The following PACRGL variants were observed in gnomAD, a reference collection of about 807,000 sequenced individuals.
PACRGL encodes parkin coregulated like.
PACRGL carries 38 observed loss-of-function variants against 34.5 expected under a neutral mutation model. The observed-to-expected ratio is 1.10, with a 90% CI of 0.85 to 1.44. The LOEUF is 1.44. Ranked by LOEUF, PACRGL falls within the 40% of genes most tolerant of loss-of-function variation. PACRGL has a pLI of 0.00. For missense variants in PACRGL, 305 were observed against 281.4 expected (o/e 1.08, Z -0.60); for synonymous variants, 128 against 100.1 (o/e 1.28, Z -1.66).
Position 20,703,477 on chromosome 4 carries a change from A to AGTGTGTGTGTGT in PACRGL, c.-16-966_-16-955dup, listed in dbSNP as rs34932810. On this transcript the variant is annotated intron_variant, in intron 1 of 8. Transcript: ENST00000503585. ...ATACCAGTAGGCACTTGGGTATATG[A>AGTGTGTGTGTGT]GTGTGTGTGTGTGTGTGTGTGTGTG... Among the ~76,000 whole-genome samples, 1,311 of 141,504 alleles carry AGTGTGTGTGTGT rather than the reference A, an allele frequency of 9.3e-3. 13 individuals carry two copies. Among genetic ancestry groups the AGTGTGTGTGTGT allele is most frequent in the African/African-American group, 0.031 (1,175 of 38,244 alleles). 92.8% of individuals were successfully genotyped at this position (141,504 alleles called of 152,430 possible). A position where few individuals can be genotyped will look rare whatever the true frequency, so the allele number is the denominator to read the frequency against.
In PACRGL at chr4:20,741,936, G is replaced by A. The variant is rs532566301; in HGVS notation, c.*57-10629G>A. ...ACAAACTACCATCAGAGAATACGATGAACACCTCTATGCGAATAAACTAGA... is the reference window on the plus strand; with the variant it reads ...ACAAACTACCATCAGAGAATACGATAAACACCTCTATGCGAATAAACTAGA... On this transcript the variant is annotated intron_variant, in intron 8 of 8. Transcript: ENST00000507634. Among the ~76,000 whole-genome samples, 182 of 152,248 alleles carry A rather than the reference G, an allele frequency of 1.2e-3. No homozygotes were observed. The East Asian group carries it at 0.033, about 28-fold the overall frequency.
intron 7 of PACRGL, chr4:20,716,305 C>A (rs887989497): frequency 3.4e-6 from 2 of 583,924 alleles, no homozygotes; most frequent in East Asian, 5.9e-5. Context: ...TTTCAGTTTT[C>A]TTCTCCTAGT....
intron 8 of PACRGL, among the ~76,000 whole-genome samples, chr4:20,741,864 G>A (rs1400674555): frequency 6.6e-6 from 1 of 152,032 alleles, no homozygotes; most frequent in Non-Finnish European, 1.5e-5. Context: ...TCAAATAGAT[G>A]CAATAAAAAA....
chr4:20,721,837 T>C (rs1368986993), intron 7 of PACRGL, among the ~76,000 whole-genome samples: 1 of 152,206 alleles, frequency 6.6e-6, no homozygotes, highest in African/African-American at 2.4e-5. Flanking sequence ...GGAGAACCAC[T>C]ACTCTCTTCA....
intron 8 of PACRGL, among the ~76,000 whole-genome samples, chr4:20,748,768 T>G (rs1393425438): frequency 2.7e-5 from 4 of 150,050 alleles, no homozygotes; most frequent in African/African-American, 9.7e-5. Flanking sequence ...ATAAAAGCCT[T>G]CACAGCTGAT....
chr4:20,731,771 A>G lies in PACRGL; in HGVS notation c.*4430A>G, dbSNP rs1033588389. 2.0e-6 allele frequency: 2 copies of G among 985,306 alleles called. No individual in the cohort carries two copies. The highest frequency in any genetic ancestry group is 3.5e-5 in the African/African-American group (2 of 57,234). 61.0% of individuals were successfully genotyped at this position (985,306 alleles called of 1,614,324 possible). A position where few individuals can be genotyped will look rare whatever the true frequency, so the allele number is the denominator to read the frequency against. Reference sequence around the variant, plus strand: ...ATTTGGGAATCAACACAGTACATGTACAACTTTTGTATCCCCAGGGTTTCC... The same window carrying G: ...ATTTGGGAATCAACACAGTACATGTGCAACTTTTGTATCCCCAGGGTTTCC... On this transcript the variant is annotated 3_prime_UTR_variant, in exon 9 of 9. Coordinates refer to ENST00000503585, the MANE Select transcript of PACRGL (RefSeq NM_001258345.3).
In PACRGL at chr4:20,712,901, T is replaced by A. The variant is rs1737981811; in HGVS notation, c.480T>A (p.Ile160=). The A allele has an allele frequency of 1.3e-6, 2 of 1,589,058 alleles. No homozygotes were observed. Among genetic ancestry groups the A allele is most frequent in the Non-Finnish European group, 1.7e-6 (2 of 1,165,746 alleles). ...CTATTCCTTTGCTACCTAGACTGAT[T>A]CCTGTGCTAAAGGCAGCTCTGGTAT... ...EKAIPLLPRL[I]PVLKAALVHS... The change falls in exon 6 of 9, where the codon ATT becomes ATA. Residue 160 remains isoleucine, a synonymous_variant. Coordinates refer to ENST00000503585, the MANE Select transcript of PACRGL (RefSeq NM_001258345.3).
the PACRGL span, chr4:20,758,789 T>G: frequency 1.3e-6 from 2 of 1,525,998 alleles, no homozygotes; most frequent in Admixed American, 1.7e-5. Context: ...GTAACTCTGA[T>G]AGTATGTTAA....
chr4:20,742,778 CCT>C (rs1751451938), intron 8 of PACRGL, among the ~76,000 whole-genome samples: 1 of 152,068 alleles, frequency 6.6e-6, no homozygotes, highest in South Asian at 2.1e-4. Context: ...TCAAATTTTC[CCT>C]GTTTGCGGAT....
chr4:20,757,788 T>G (rs898382454), downstream of PACRGL, among the ~76,000 whole-genome samples: 7 of 152,098 alleles, frequency 4.6e-5, no homozygotes, highest in African/African-American at 1.7e-4. Flanking sequence ...ATGAGGATTA[T>G]AGGTAGGGTT....
the PACRGL span, among the ~76,000 whole-genome samples, chr4:20,763,466 G>A: frequency 1.3e-5 from 2 of 152,086 alleles, no homozygotes; most frequent in African/African-American, 4.8e-5. Context: ...GGAAAAGAAC[G>A]CTGAAAAGAG....
chr4:20,720,493 T>G (rs1742531161), intron 7 of PACRGL, among the ~76,000 whole-genome samples: 2 of 152,200 alleles, frequency 1.3e-5, no homozygotes. Flanking sequence ...ATGTTTAGTG[T>G]TTCCTTCAGG....
rs929835262 is a variant in PACRGL, at chr4:20,731,864, A to G, written c.*4523A>G. On this transcript the variant is annotated 3_prime_UTR_variant, in exon 9 of 9. Coordinates refer to ENST00000503585, the MANE Select transcript of PACRGL (RefSeq NM_001258345.3). Reference sequence around the variant, plus strand: ...AATTGGTGCTTGTTTTCAGAGTGGTAGGCTTATGCTGCATGTTGTAGAAGT... The same window carrying G: ...AATTGGTGCTTGTTTTCAGAGTGGTGGGCTTATGCTGCATGTTGTAGAAGT... The G allele has an allele frequency of 7.0e-7, 1 of 1,423,978 alleles. No homozygotes were observed. Among genetic ancestry groups the G allele is most frequent in the Non-Finnish European group, 9.2e-7 (1 of 1,088,456 alleles). 88.2% of individuals were successfully genotyped at this position (1,423,978 alleles called of 1,614,324 possible). A position where few individuals can be genotyped will look rare whatever the true frequency, so the allele number is the denominator to read the frequency against.
chr4:20,759,983 G>C, the PACRGL span, among the ~76,000 whole-genome samples: 1 of 152,280 alleles, frequency 6.6e-6, no homozygotes, highest in East Asian at 1.9e-4. Context: ...AAGAGAAGTT[G>C]GTCCTTCCTA....
the PACRGL span, among the ~76,000 whole-genome samples, chr4:20,759,287 T>A: frequency 2.0e-5 from 3 of 152,208 alleles, no homozygotes. Flanking sequence ...TGAACTCACA[T>A]AATCTTCGAT....
At chr4:20,740,912 G>A (rs1221240633) in intron 8 of PACRGL, among the ~76,000 whole-genome samples, 4 of 151,906 alleles carry the variant, frequency 2.6e-5, no homozygotes, top group African/African-American at 4.8e-5. Flanking sequence ...AAAAAGCAGG[G>A]GTTGCAATCC....
chr4:20,721,950 C>T (rs968974704), intron 7 of PACRGL, among the ~76,000 whole-genome samples: 2 of 152,220 alleles, frequency 1.3e-5, no homozygotes, highest in Non-Finnish European at 2.9e-5. Context: ...AGGCAGGCCT[C>T]CTTGAGCTGT....
At chr4:20,760,771 C>T in the PACRGL span, among the ~76,000 whole-genome samples, 2 of 151,894 alleles carry the variant, frequency 1.3e-5, no homozygotes, top group Non-Finnish European at 2.9e-5. Context: ...ATTAGATGAC[C>T]CCTGTGGAAA....
rs903550661 is a variant in PACRGL at position 20,715,970 on chromosome 4, T to C, written c.609+2431T>C. 4 of 722,952 alleles carry C rather than the reference T, an allele frequency of 5.5e-6. No homozygotes were observed. The South Asian group carries it at 7.9e-5, about 14-fold the overall frequency. The allele number at this position is 722,952 out of a possible 1,614,324, so 44.8% of individuals were successfully genotyped here. On this transcript the variant is annotated intron_variant, in intron 7 of 8. Coordinates refer to ENST00000503585, the MANE Select transcript of PACRGL (RefSeq NM_001258345.3). ...TAAGCAGTGCCCATACACTGTCTTG[T>C]GTAATTATATGTTACCAAACATGTT...
Sources: allele counts gnomAD v4.1 joint callset (sites outside exome capture counted in the v4.1 genomes callset), GRCh38; gene constraint gnomAD v4.1.1; transcripts MANE v1.5; gene names NCBI Gene and HGNC (gene_info 2026-07-23, HGNC 2026-07-21).